GPC6: variants seen among roughly 807,000 people sequenced by gnomAD.
GPC6 encodes glypican-6.
A neutral mutation model predicts 55.2 loss-of-function variants in GPC6; 14 were observed. The observed-to-expected ratio is 0.25, with a 90% confidence interval of 0.17 to 0.40. The LOEUF (loss-of-function observed/expected upper bound fraction) is 0.40. Among genes scored for constraint, GPC6 ranks in the 10% least tolerant of loss-of-function variants. The pLI is 1.00. For missense variants in GPC6, 641 were observed against 708.5 expected, an observed-to-expected ratio of 0.90 and a Z score of 1.08; for synonymous variants, 278 against 259.6, an observed-to-expected ratio of 1.07 and a Z score of -0.68.
intron 2 of GPC6, among the ~76,000 whole-genome samples, chr13:93,575,617 A>G (rs1156272423): frequency 1.3e-5 from 2 of 152,156 alleles, no homozygotes; most frequent in Non-Finnish European, 2.9e-5. Flanking sequence ...TTTATTTCTC[A>G]TCTCTATCAT....
rs76342753 is a variant in GPC6 at position 94,324,311 on chromosome 13, T to TAA, written c.1152+18206_1152+18207dup. 2.1e-3 allele frequency among the ~76,000 whole-genome samples: 224 copies of TAA among 107,188 alleles called. No individual in the cohort carries two copies. In the East Asian group the frequency reaches 0.023, roughly 11 times the overall value. The allele number at this position is 107,188 out of a possible 152,430, so 70.3% of individuals were successfully genotyped here. A position where few individuals can be genotyped will look rare whatever the true frequency, so the allele number is the denominator to read the frequency against. Reference sequence around the variant, plus strand: ...CACCGAGGACCATCTATGAAAGCCTTAAAAAAAAAAAAAAAAAAACTCAAG... The same window carrying TAA: ...CACCGAGGACCATCTATGAAAGCCTTAAAAAAAAAAAAAAAAAAAAACTCAAG... On this transcript the variant is annotated intron_variant, in intron 6 of 8. Coordinates refer to ENST00000377047, the MANE Select transcript of GPC6 (RefSeq NM_005708.5).
chr13:93,593,076 G>A (rs1448540458), intron 2 of GPC6, among the ~76,000 whole-genome samples: 1 of 152,024 alleles, frequency 6.6e-6, no homozygotes, highest in East Asian at 1.9e-4. Context: ...TAATCTTTGA[G>A]ACATGGATAC....
chr13:93,686,370 T>C (rs1882045429), intron 2 of GPC6, among the ~76,000 whole-genome samples: 1 of 152,168 alleles, frequency 6.6e-6, no homozygotes, highest in African/African-American at 2.4e-5. Context: ...TGTAAAGTTG[T>C]ACATCTCTCA....
In GPC6 at chr13:93,646,976, A is replaced by C. The variant is rs74677102; in HGVS notation, c.319+101555A>C. On this transcript the variant is annotated intron_variant, in intron 2 of 8. Transcript: ENST00000377047. Reference sequence around the variant, plus strand: ...ACAGAACTAATGCCATGTCAACATAAGTGTATGTGACATTCCCATTAAAAA... The same window carrying C: ...ACAGAACTAATGCCATGTCAACATACGTGTATGTGACATTCCCATTAAAAA... 5.4e-3 allele frequency among the ~76,000 whole-genome samples: 826 copies of C among 152,244 alleles called. 5 individuals carry two copies. Among genetic ancestry groups the C allele is most frequent in the Middle Eastern group, 0.01 (3 of 294 alleles).
intron 1 of GPC6, among the ~76,000 whole-genome samples, chr13:93,408,038 AC>A (rs34218414): frequency 1.3e-5 from 2 of 152,154 alleles, no homozygotes; most frequent in Non-Finnish European, 2.9e-5. Flanking sequence ...AAGCTACAAT[AC>A]TAAGAGAAAT....
intron 1 of GPC6, among the ~76,000 whole-genome samples, chr13:93,359,834 T>C (rs747272101): frequency 2.0e-5 from 3 of 152,104 alleles, no homozygotes; most frequent in Non-Finnish European, 4.4e-5. Flanking sequence ...TCATATAATC[T>C]GAACATTTTT....
rs201745382 is a variant in GPC6 at position 93,358,988 on chromosome 13, T to G, written c.160+131372T>G. Among the ~76,000 whole-genome samples the G allele has an allele frequency of 9.7e-4, 139 of 143,252 alleles. 1 individual carries two copies. In the East Asian group the frequency reaches 0.018, roughly 19 times the overall value. The allele number at this position is 143,252 out of a possible 152,430, so 94.0% of individuals were successfully genotyped here. ...AATTCTCTCTCTCTTTTTTTTTTTT[T>G]GTTTTTTTTTTCACTTTTTGCCCAG... On this transcript the variant is annotated intron_variant, in intron 1 of 8. Transcript: ENST00000377047.
chr13:93,516,610 T>A (rs1210790895), intron 1 of GPC6, among the ~76,000 whole-genome samples: 1 of 152,126 alleles, frequency 6.6e-6, no homozygotes, highest in Non-Finnish European at 1.5e-5. Flanking sequence ...AAAAAATAAT[T>A]ACTTATAAAA....
intron 1 of GPC6, among the ~76,000 whole-genome samples, chr13:93,460,120 A>G (rs1878624022): frequency 6.6e-6 from 1 of 152,164 alleles, no homozygotes; most frequent in Non-Finnish European, 1.5e-5. Context: ...CTTCCATACA[A>G]AATTCTGTCT....
intron 4 of GPC6, among the ~76,000 whole-genome samples, chr13:94,096,993 TGTTAATACCTATTATGATAAATAG>T (rs1344926519): frequency 8.8e-6 from 1 of 114,048 alleles, no homozygotes; most frequent in African/African-American, 3.1e-5. Context: ...TTGATAAATA[TGTTAATACCTATTATGATAAATAG>T]GTTAACACCT....
intron 3 of GPC6, among the ~76,000 whole-genome samples, chr13:94,022,788 G>C (rs1210922587): frequency 6.6e-6 from 1 of 151,998 alleles, no homozygotes; most frequent in African/African-American, 2.4e-5. Context: ...GTGTGAGATG[G>C]CATCTCATAG....
intron 1 of GPC6, among the ~76,000 whole-genome samples, chr13:93,275,826 C>A (rs1337829713): frequency 1.3e-5 from 2 of 152,134 alleles, no homozygotes; most frequent in African/African-American, 4.8e-5. Context: ...AGGGCTTCAA[C>A]ATATGAATTT....
chr13:93,434,434 T>A (rs2139279094), intron 1 of GPC6, among the ~76,000 whole-genome samples: 1 of 152,280 alleles, frequency 6.6e-6, no homozygotes, highest in East Asian at 1.9e-4. Flanking sequence ...CCCCCAATTA[T>A]ATTGTGGGGA....
chr13:94,059,156 ATGT>A (rs1310852615), intron 4 of GPC6, among the ~76,000 whole-genome samples: 1 of 151,836 alleles, frequency 6.6e-6, no homozygotes, highest in Admixed American at 6.6e-5. Context: ...AGGCATTAAC[ATGT>A]TGTTCATGTT....
At chr13:93,676,164 TATATACATACACAC>T (rs1881617833) in intron 2 of GPC6, among the ~76,000 whole-genome samples, 1 of 31,292 alleles carries the variant, frequency 3.2e-5, no homozygotes, top group African/African-American at 9.4e-5. Flanking sequence ...TATATATATA[TATATACATACACAC>T]ACACACACAC....
chr13:93,231,034 T>C (rs988114625), intron 1 of GPC6, among the ~76,000 whole-genome samples: 2 of 151,986 alleles, frequency 1.3e-5, no homozygotes, highest in Non-Finnish European at 2.9e-5. Flanking sequence ...CATCACCTAC[T>C]TAAAAATTAT....
intron 2 of GPC6, among the ~76,000 whole-genome samples, chr13:93,720,275 T>G (rs947803837): frequency 1.3e-5 from 2 of 152,146 alleles, no homozygotes; most frequent in Non-Finnish European, 1.5e-5. Flanking sequence ...GGGATTTGAC[T>G]TCTTCTTGGT....
intron 1 of GPC6, among the ~76,000 whole-genome samples, chr13:93,340,084 G>GGAGT (rs1566306993): frequency 1.6e-5 from 2 of 126,228 alleles, no homozygotes; most frequent in African/African-American, 5.8e-5. Flanking sequence ...CACCCAGGCT[G>GGAGT]GAGTGCAGTG....
chr13:93,982,712 G>T (rs762546648), intron 3 of GPC6, among the ~76,000 whole-genome samples: 1 of 152,124 alleles, frequency 6.6e-6, no homozygotes, highest in Non-Finnish European at 1.5e-5. Context: ...TTTCTCAGCT[G>T]GTGGGTCATA....
Sources: gnomAD v4.1 joint callset for allele counts (sites outside exome capture counted in the v4.1 genomes callset) on GRCh38, gnomAD v4.1.1 for gene constraint, MANE v1.5 for transcripts, NCBI Gene and HGNC (gene_info 2026-07-23, HGNC 2026-07-21) for gene names.